Variants in ELN observed in about 807,000 individuals in gnomAD.
The protein encoded by ELN is elastin, also known as tropoelastin.
Under a neutral mutation model 105.8 loss-of-function variants are expected in ELN, and 65 were observed. The ratio of observed to expected loss-of-function variants is 0.61; its 90% CI spans 0.50 to 0.75. The LOEUF is 0.75. Among genes scored for constraint, ELN ranks in the 30% least tolerant of loss-of-function variants. ELN has a pLI of 0.00. For missense variants in ELN, 882 were observed against 969.4 expected, an observed-to-expected ratio of 0.91 and a Z score of 1.20; for synonymous variants, 368 against 389.2, an observed-to-expected ratio of 0.95 and a Z score of 0.64.
chr7:74,046,591 TG>T, intron 11 of ELN, 104 bp from the exon 12 acceptor site: 1 of 1,254,332 alleles, frequency 8.0e-7, no homozygotes, highest in East Asian at 2.3e-5. Flanking sequence ...GGATGGTTTC[TG>T]GATGCTGTAG....
At chr7:74,035,515 C>A in intron 2 of ELN, 101 bp downstream of exon 2, 1 of 1,406,314 alleles carries the variant, frequency 7.1e-7, no homozygotes, top group Non-Finnish European at 1.0e-6. Context: ...AACATTGACA[C>A]GCCTACCAGA....
chr7:74,042,147 C>A (rs1791367703), intron 5 of ELN, among the ~76,000 whole-genome samples: 1 of 150,702 alleles, frequency 6.6e-6, no homozygotes, highest in Admixed American at 6.6e-5. Context: ...TACTTAGGCG[C>A]GGTGGCTCAC....
At chr7:74,042,242 A>G (rs1425947257) in intron 5 of ELN, among the ~76,000 whole-genome samples, 2 of 148,804 alleles carry the variant, frequency 1.3e-5, no homozygotes, top group African/African-American at 5.0e-5. Flanking sequence ...CAACATGGTA[A>G]AATCTTGTCA....
intron 4 of ELN, among the ~76,000 whole-genome samples, chr7:74,040,353 G>T (rs909366978): frequency 6.6e-6 from 1 of 152,210 alleles, no homozygotes; most frequent in Non-Finnish European, 1.5e-5. Context: ...ACTCCCGCCC[G>T]GAGGCAAAGA....
chr7:74,052,213 C>T (rs1290097928), intron 17 of ELN: 2 of 578,874 alleles, frequency 3.5e-6, no homozygotes, highest in Admixed American at 6.0e-5. Context: ...CATGGCTCCT[C>T]CCACTCCATC....
chr7:74,046,820 A>C (rs1195478124), intron 12 of ELN, 53 bp downstream of exon 12: 50 of 1,598,824 alleles, frequency 3.1e-5, no homozygotes, highest in Non-Finnish European at 4.1e-5. Context: ...GTGGTGGTTC[A>C]CACCTGTAAT....
chr7:74,057,769 C>G, intron 22 of ELN, 73 bp downstream of exon 22: 1 of 1,549,542 alleles, frequency 6.5e-7, no homozygotes, highest in Non-Finnish European at 8.9e-7. Flanking sequence ...GGGGTCTGAC[C>G]GCCCAGCTTC....
chr7:74,031,911 A>AGGAT (rs1554662557), intron 1 of ELN, among the ~76,000 whole-genome samples: 3 of 150,610 alleles, frequency 2.0e-5, no homozygotes, highest in Non-Finnish European at 4.4e-5. Flanking sequence ...GAAGGAAGGA[A>AGGAT]GGAAAATGTT....
At chr7:74,046,463 C>T (rs1554672243) in intron 11 of ELN, among the ~76,000 whole-genome samples, 1 of 152,250 alleles carries the variant, frequency 6.6e-6, no homozygotes, top group Non-Finnish European at 1.5e-5. Flanking sequence ...GCTGCAGGCC[C>T]AAACTGGGGC....
intron 4 of ELN, 57 bp downstream of exon 4, chr7:74,037,796 G>A (rs1790325721): frequency 2.5e-6 from 4 of 1,591,836 alleles, no homozygotes; most frequent in Non-Finnish European, 3.4e-6. Flanking sequence ...GGAGGGAGGA[G>A]CCTACCCAGC....
intron 19 of ELN, 90 bp from the exon 20 acceptor site, chr7:74,056,181 A>T: frequency 6.5e-6 from 10 of 1,545,718 alleles, no homozygotes; most frequent in Non-Finnish European, 8.9e-6. Context: ...GGAAATTTAC[A>T]TCCTCTTTCC....
At position 74,035,700 on chromosome 7, in the gene ELN, C is replaced by G. The variant is rs1554665161; in HGVS notation, c.133+286C>G. ...GCCTGGACAACATAGTGAGATCCCC[C>G]TCTCTACACACACACACACACACAA... On this transcript the variant is annotated intron_variant, in intron 2 of 32. Coordinates refer to ENST00000252034, the MANE Select transcript of ELN (RefSeq NM_000501.4). 4 of 505,270 alleles carry G rather than the reference C, an allele frequency of 7.9e-6. No individual in the cohort carries two copies. In the East Asian group the frequency reaches 1.5e-4, roughly 18 times the overall value. The allele number at this position is 505,270 out of a possible 1,614,324, so 31.3% of individuals were successfully genotyped here. A position where few individuals can be genotyped will look rare whatever the true frequency, so the allele number is the denominator to read the frequency against.
chr7:74,067,678 G>T (rs1554690001), intron 32 of ELN, among the ~76,000 whole-genome samples: 1 of 151,240 alleles, frequency 6.6e-6, no homozygotes, highest in Non-Finnish European at 1.5e-5. Flanking sequence ...GCGGAGCATG[G>T]TGTGAACCCG....
intron 8 of ELN, chr7:74,043,414 G>A (rs1032163076): frequency 1.5e-5 from 11 of 716,838 alleles, no homozygotes; most frequent in South Asian, 1.1e-4. Context: ...GCAGGCTGTC[G>A]GGCGACAGAT....
At chr7:74,029,250 G>A (rs569709548) in intron 1 of ELN, among the ~76,000 whole-genome samples, 8 of 152,194 alleles carry the variant, frequency 5.3e-5, no homozygotes, top group East Asian at 1.9e-4. Context: ...ATGGAAAGGC[G>A]GGCTGGAGAA....
At chr7:74,049,920 TCCA>T (rs1554674985) in intron 15 of ELN, among the ~76,000 whole-genome samples, 1 of 141,240 alleles carries the variant, frequency 7.1e-6, no homozygotes, top group Non-Finnish European at 1.5e-5. Context: ...CATACATCAA[TCCA>T]TACATCAATC....
At chr7:74,041,848 T>A (rs553257071) in intron 5 of ELN, among the ~76,000 whole-genome samples, 2 of 152,256 alleles carry the variant, frequency 1.3e-5, no homozygotes, top group South Asian at 4.1e-4. Flanking sequence ...CAAGTGATTC[T>A]TGTGTCTCAG....
At chr7:74,045,145 G>T in intron 9 of ELN, 77 bp from the exon 10 acceptor site, 1 of 1,553,100 alleles carries the variant, frequency 6.4e-7, no homozygotes, top group South Asian at 1.1e-5. Flanking sequence ...TCAGCTGGGG[G>T]ACCCGAGGAG....
intron 1 of ELN, 109 bp downstream of exon 1, chr7:74,028,378 G>C: frequency 1.6e-6 from 2 of 1,284,666 alleles, no homozygotes; most frequent in Non-Finnish European, 2.2e-6. Context: ...ACTGCAAGGG[G>C]TCCCAGGTGG....
Sources: allele counts gnomAD v4.1 joint callset (sites outside exome capture counted in the v4.1 genomes callset), GRCh38; gene constraint gnomAD v4.1.1; transcripts MANE v1.5; gene names NCBI Gene and HGNC (gene_info 2026-07-23, HGNC 2026-07-21).